The following PRDM6 variants were observed in gnomAD, a reference collection of about 807,000 sequenced individuals.
PRDM6 encodes PR/SET domain 6.
Under a neutral mutation model 60.8 loss-of-function variants are expected in PRDM6, and 25 were observed. The observed-to-expected ratio is 0.41, with a 90% CI of 0.30 to 0.57. The LOEUF (loss-of-function observed/expected upper bound fraction) is 0.57, where lower values mean the gene tolerates loss of function less well. Among genes scored for constraint, PRDM6 ranks in the 20% least tolerant of loss-of-function variants. PRDM6 has a pLI of 0.27. For synonymous variants in PRDM6, 407 were observed against 357.4 expected (o/e 1.14, Z -1.57); for missense variants, 839 against 821.3 (o/e 1.02, Z -0.26).
chr5:123,149,530 G>T (rs1765327966), intron 3 of PRDM6, among the ~76,000 whole-genome samples: 1 of 152,178 alleles, frequency 6.6e-6, no homozygotes, highest in African/African-American at 2.4e-5. Context: ...ATTTGTACTT[G>T]TTAATTTCAA....
chr5:123,144,772 G>A (rs1765199521), intron 3 of PRDM6, among the ~76,000 whole-genome samples: 1 of 152,160 alleles, frequency 6.6e-6, no homozygotes, highest in Non-Finnish European at 1.5e-5. Context: ...ACTTTTGAAA[G>A]CAACATTGTA....
intron 5 of PRDM6, 98 bp downstream of exon 5, chr5:123,159,736 C>T: frequency 8.6e-7 from 1 of 1,168,804 alleles, no homozygotes; most frequent in South Asian, 1.4e-5. Context: ...ACGTGGTTCA[C>T]TGTAATAAGT....
intron 3 of PRDM6, among the ~76,000 whole-genome samples, chr5:123,130,178 TTC>T (rs1764797340): frequency 3.1e-4 from 8 of 25,550 alleles, no homozygotes; most frequent in Non-Finnish European, 4.7e-4. Flanking sequence ...TCCCCTCCCC[TTC>T]CCTTCCCTTC....
At chr5:123,136,329 G>A (rs781251825) in intron 3 of PRDM6, among the ~76,000 whole-genome samples, 4 of 152,166 alleles carry the variant, frequency 2.6e-5, no homozygotes, top group South Asian at 2.1e-4. Flanking sequence ...TGTCCTGGTC[G>A]TTTTAATGTG....
intron 3 of PRDM6, among the ~76,000 whole-genome samples, chr5:123,129,165 T>A (rs1467121363): frequency 4.6e-5 from 7 of 152,228 alleles, no homozygotes; most frequent in East Asian, 1.9e-4. Flanking sequence ...TGGTTACTGT[T>A]GCCTTGTAGT....
At chr5:123,120,074 T>C (rs1764545984) in intron 3 of PRDM6, among the ~76,000 whole-genome samples, 1 of 152,212 alleles carries the variant, frequency 6.6e-6, no homozygotes, top group African/African-American at 2.4e-5. Flanking sequence ...TATTGGTTGA[T>C]TTTGAATATT....
At chr5:123,124,932 G>A (rs1373138109) in intron 3 of PRDM6, among the ~76,000 whole-genome samples, 1 of 151,862 alleles carries the variant, frequency 6.6e-6, no homozygotes, top group Non-Finnish European at 1.5e-5. Context: ...TGGGAAAAAA[G>A]GTCCATGATA....
chr5:123,109,118 G>A (rs1449511285), intron 3 of PRDM6, among the ~76,000 whole-genome samples: 1 of 152,034 alleles, frequency 6.6e-6, no homozygotes, highest in Non-Finnish European at 1.5e-5. Flanking sequence ...CGTTTCTGGG[G>A]TCTATGAGGA....
chr5:123,171,420 T>A (rs1162792356), intron 6 of PRDM6, among the ~76,000 whole-genome samples: 1 of 152,196 alleles, frequency 6.6e-6, no homozygotes, highest in Non-Finnish European at 1.5e-5. Flanking sequence ...ATAATTAGAA[T>A]CTTCTCTGTC....
At position 123,175,594 on chromosome 5, in the gene PRDM6, C is replaced by T. The variant is rs970175423; in HGVS notation, c.1496+4486C>T. The stretch of plus-strand genomic sequence containing the variant: ...CTGTCCTGAAATATTTTTCTCCTTA[C>T]GTAGAACTGAGTTCTTTTCTCACTC... On this transcript the variant is annotated intron_variant, in intron 6 of 7. Coordinates refer to ENST00000407847, the MANE Select transcript of PRDM6 (RefSeq NM_001136239.4). 4.6e-5 allele frequency among the ~76,000 whole-genome samples: 7 copies of T among 152,230 alleles called. No individual in the cohort carries two copies. In the East Asian group the frequency reaches 7.7e-4, roughly 17 times the overall value.
Position 123,090,128 on chromosome 5 carries a change from C to T in PRDM6, c.114C>T (p.Ser38=), listed in dbSNP as rs771258539. 6.5e-6 allele frequency: 10 copies of T among 1,538,286 alleles called. No homozygotes were observed. Among genetic ancestry groups the T allele is most frequent in the Middle Eastern group, 1.7e-4 (1 of 5,812 alleles). Residue 38 remains serine, a synonymous_variant, in exon 2 of 8, where the codon AGC becomes AGT. Coordinates refer to ENST00000407847, the MANE Select transcript of PRDM6 (RefSeq NM_001136239.4). Reference sequence around the variant, plus strand: ...GAGGCGCAGGCCCGCTCAAGGGCAGCGGCGCCGCGGGTCTCCTGAGCGCGC... The same window carrying T: ...GAGGCGCAGGCCCGCTCAAGGGCAGTGGCGCCGCGGGTCTCCTGAGCGCGC... The part of the protein sequence containing the change: ...PHGGAGPLKG[S]GAAGLLSAPQ...
At chr5:123,127,041 C>G (rs1387415259) in intron 3 of PRDM6, among the ~76,000 whole-genome samples, 1 of 144,236 alleles carries the variant, frequency 6.9e-6, no homozygotes, top group East Asian at 2.0e-4. Flanking sequence ...CAACACTTAA[C>G]TTTTTTTTTT....
intron 3 of PRDM6, among the ~76,000 whole-genome samples, chr5:123,106,504 A>G (rs1331631917): frequency 6.6e-6 from 1 of 152,222 alleles, no homozygotes; most frequent in Non-Finnish European, 1.5e-5. Flanking sequence ...GAACTGGGGG[A>G]CACATCCAGT....
At chr5:123,089,860 T>G (rs936374745) in intron 1 of PRDM6, 140 bp from the exon 2 acceptor site, 3 of 629,630 alleles carry the variant, frequency 4.8e-6, no homozygotes, top group South Asian at 2.0e-5. Flanking sequence ...CCAAGCGGAG[T>G]TGGGAAGAGG....
At chr5:123,182,755 T>C (rs1160344778) in intron 7 of PRDM6, among the ~76,000 whole-genome samples, 1 of 152,232 alleles carries the variant, frequency 6.6e-6, no homozygotes. Flanking sequence ...GCTTAAATTC[T>C]GTGTATATGT....
intron 7 of PRDM6, among the ~76,000 whole-genome samples, chr5:123,180,858 C>T (rs1190108367): frequency 6.6e-6 from 1 of 152,098 alleles, no homozygotes; most frequent in Non-Finnish European, 1.5e-5. Context: ...TCAGTGTATA[C>T]TTTGGACTTT....
intron 3 of PRDM6, among the ~76,000 whole-genome samples, chr5:123,140,718 G>A (rs991693891): frequency 2.0e-5 from 3 of 152,108 alleles, no homozygotes; most frequent in Non-Finnish European, 4.4e-5. Context: ...CAAAGTAAAT[G>A]TCTGAAAAAC....
chr5:123,141,110 GA>G (rs573142249), intron 3 of PRDM6, among the ~76,000 whole-genome samples: 402 of 151,948 alleles, frequency 2.6e-3, no homozygotes, highest in Non-Finnish European at 3.9e-3. Flanking sequence ...CCAGTTTTGA[GA>G]AATTATATCC....
At chr5:123,139,212 G>A (rs56668199) in intron 3 of PRDM6, among the ~76,000 whole-genome samples, 2,964 of 152,178 alleles carry the variant, frequency 0.019, 93 homozygotes, top group African/African-American at 0.068. Context: ...TTATAGCAGC[G>A]TGAAAACAGA....
Sources: allele counts gnomAD v4.1 joint callset (sites outside exome capture counted in the v4.1 genomes callset), GRCh38; gene constraint gnomAD v4.1.1; transcripts MANE v1.5; gene names NCBI Gene and HGNC (gene_info 2026-07-23, HGNC 2026-07-21).